The following PDE1C variants were observed in gnomAD, a reference collection of about 807,000 sequenced individuals.
PDE1C encodes the protein dual specificity calcium/calmodulin-dependent 3',5'-cyclic nucleotide phosphodiesterase 1C.
A neutral mutation model predicts 93.1 loss-of-function variants in PDE1C; 62 were observed. The ratio of observed to expected loss-of-function variants is 0.67; its 90% CI spans 0.54 to 0.82. PDE1C has a LOEUF of 0.82. PDE1C is among the 40% of genes least tolerant of loss of function. The pLI is 0.00. For missense variants in PDE1C, 742 were observed against 884.6 expected, an observed-to-expected ratio of 0.84 and a Z score of 2.04; for synonymous variants, 325 against 310.1, an observed-to-expected ratio of 1.05 and a Z score of -0.50.
the PDE1C span, among the ~76,000 whole-genome samples, chr7:31,711,214 A>G: frequency 2.6e-5 from 4 of 152,278 alleles, no homozygotes; most frequent in East Asian, 7.7e-4. Flanking sequence ...TCGTGTTCTT[A>G]TAATTATGTT....
chr7:32,228,286 G>C (rs575756809), intron 1 of PDE1C, among the ~76,000 whole-genome samples: 9 of 152,198 alleles, frequency 5.9e-5, no homozygotes, highest in Non-Finnish European at 1.3e-4. Context: ...CTGCATAGGG[G>C]ATTGTGTGCT....
chr7:32,164,764 T>C (rs1802125586), intron 3 of PDE1C, among the ~76,000 whole-genome samples: 1 of 152,188 alleles, frequency 6.6e-6, no homozygotes, highest in South Asian at 2.1e-4. Flanking sequence ...TGGGAATGTG[T>C]ACACCAGAGG....
At chr7:32,263,634 G>T (rs904862772) in intron 1 of PDE1C, among the ~76,000 whole-genome samples, 6 of 152,074 alleles carry the variant, frequency 3.9e-5, no homozygotes, top group African/African-American at 1.4e-4. Context: ...GCAGAATCCA[G>T]TCTATGGTCA....
chr7:31,631,293 C>T, the PDE1C span, among the ~76,000 whole-genome samples: 36,421 of 151,890 alleles, frequency 0.24, 5,490 homozygotes, highest in Non-Finnish European at 0.33. Context: ...TGCGTGCGTG[C>T]ACACACAGAC....
chr7:31,769,656 G>T (rs1795354865), intron 17 of PDE1C, among the ~76,000 whole-genome samples: 2 of 152,000 alleles, frequency 1.3e-5, no homozygotes, highest in African/African-American at 4.8e-5. Context: ...TATTTTGAGG[G>T]TTTTTTCCTA....
At chr7:31,628,589 C>T in the PDE1C span, among the ~76,000 whole-genome samples, 1 of 152,036 alleles carries the variant, frequency 6.6e-6, no homozygotes, top group Non-Finnish European at 1.5e-5. Context: ...TCCCCAGCAG[C>T]TGGGACTACA....
intron 2 of PDE1C, among the ~76,000 whole-genome samples, chr7:31,908,379 G>A (rs532791990): frequency 6.6e-6 from 1 of 152,156 alleles, no homozygotes; most frequent in African/African-American, 2.4e-5. Context: ...TATCTGTCTG[G>A]GTAGCAGATG....
chr7:31,850,321 A>C (rs1371504725), intron 8 of PDE1C, among the ~76,000 whole-genome samples: 1 of 152,132 alleles, frequency 6.6e-6, no homozygotes, highest in African/African-American at 2.4e-5. Context: ...CTGGGCCTTT[A>C]CGTAAACTGC....
chr7:32,327,338 G>C (rs1783422817), intron 1 of PDE1C, among the ~76,000 whole-genome samples: 1 of 152,042 alleles, frequency 6.6e-6, no homozygotes, highest in African/African-American at 2.4e-5. Flanking sequence ...AACACACCCA[G>C]ATTAAATGTA....
intron 2 of PDE1C, among the ~76,000 whole-genome samples, chr7:31,998,256 T>C (rs1252044665): frequency 6.6e-6 from 1 of 152,108 alleles, no homozygotes; most frequent in Non-Finnish European, 1.5e-5. Flanking sequence ...CCTGACCTCG[T>C]GATTCTCCCG....
intron 1 of PDE1C, among the ~76,000 whole-genome samples, chr7:32,408,999 G>C (rs772498320): frequency 1.3e-5 from 2 of 152,074 alleles, no homozygotes; most frequent in Non-Finnish European, 2.9e-5. Context: ...AAGCCCAGGG[G>C]TTTTCTGGCA....
chr7:32,126,396 T>A lies in PDE1C; in HGVS notation c.308+43389A>T, dbSNP rs560012909. 8.5e-5 allele frequency among the ~76,000 whole-genome samples: 13 copies of A among 152,254 alleles called. No individual in the cohort carries two copies. In the South Asian group the frequency reaches 1.7e-3, roughly 19 times the overall value. Reference sequence around the variant, plus strand: ...GAACTCAGGCCGTCTGGCTCCAGACTCCAGGCATTTAAACATTAAATGACA... The same window carrying A: ...GAACTCAGGCCGTCTGGCTCCAGACACCAGGCATTTAAACATTAAATGACA... On this transcript the variant is annotated intron_variant, in intron 3 of 18. Coordinates refer to the PDE1C transcript ENST00000396193.
rs183711143 is a variant in PDE1C, at chr7:31,951,172, A to G, written c.129-70312T>C. Among the ~76,000 whole-genome samples, 88 of 152,284 alleles carry G rather than the reference A, an allele frequency of 5.8e-4. 1 individual carries two copies. Among genetic ancestry groups the G allele is most frequent in the African/African-American group, 2.0e-3 (85 of 41,556 alleles). Reference sequence around the variant, plus strand: ...ACTCTCATGACCTCATTTAACCTTAATTACTTATTTAAAGGCCTTATCTTC... The same window carrying G: ...ACTCTCATGACCTCATTTAACCTTAGTTACTTATTTAAAGGCCTTATCTTC... On this transcript the variant is annotated intron_variant, in intron 2 of 17. Coordinates refer to ENST00000396191, the MANE Select transcript of PDE1C (RefSeq NM_001191057.4).
At chr7:32,100,322 A>G (rs1797981391) in intron 3 of PDE1C, among the ~76,000 whole-genome samples, 1 of 152,238 alleles carries the variant, frequency 6.6e-6, no homozygotes, top group Non-Finnish European at 1.5e-5. Context: ...AGAAAAATAA[A>G]TCCATAGTTC....
the PDE1C span, among the ~76,000 whole-genome samples, chr7:31,644,476 GTGTGTTACTCTTATA>G: frequency 3.9e-5 from 6 of 152,190 alleles, no homozygotes; most frequent in Non-Finnish European, 7.3e-5. Flanking sequence ...AATTGTGTGG[GTGTGTTACTCTTATA>G]TGTGTTACTC....
intron 3 of PDE1C, among the ~76,000 whole-genome samples, chr7:32,159,974 T>C (rs913567488): frequency 1.3e-5 from 2 of 152,136 alleles, no homozygotes; most frequent in Non-Finnish European, 2.9e-5. Context: ...TCCTGGAGGT[T>C]GCCATGGGGA....
intron 1 of PDE1C, among the ~76,000 whole-genome samples, chr7:32,383,166 A>T (rs1349887463): frequency 1.3e-5 from 2 of 152,254 alleles, no homozygotes; most frequent in African/African-American, 4.8e-5. Flanking sequence ...AACTTCTCTT[A>T]TGCTTACTAA....
At chr7:31,872,537 C>T (rs550800423) in intron 6 of PDE1C, among the ~76,000 whole-genome samples, 1 of 152,088 alleles carries the variant, frequency 6.6e-6, no homozygotes, top group South Asian at 2.1e-4. Flanking sequence ...AAAACAGATA[C>T]CTCTCCAAAT....
chr7:32,273,149 A>C (rs1394059196), intron 1 of PDE1C, among the ~76,000 whole-genome samples: 1 of 152,172 alleles, frequency 6.6e-6, no homozygotes, highest in Non-Finnish European at 1.5e-5. Flanking sequence ...CTAGCACAGC[A>C]CTCAAATAAT....
Sources: gnomAD v4.1 joint callset for allele counts (sites outside exome capture counted in the v4.1 genomes callset) on GRCh38, gnomAD v4.1.1 for gene constraint, MANE v1.5 for transcripts, NCBI Gene and HGNC (gene_info 2026-07-23, HGNC 2026-07-21) for gene names.